The following MON1A variants were observed in gnomAD, a reference collection of about 807,000 sequenced individuals.
The protein encoded by MON1A is MON1 vesicular trafficking associated A.
MON1A carries 29 observed loss-of-function variants against 44.6 expected under a neutral mutation model. That is an observed-to-expected ratio of 0.65 (90% CI 0.48 to 0.89). The LOEUF (loss-of-function observed/expected upper bound fraction) is 0.89. Among genes scored for constraint, MON1A ranks in the 40% least tolerant of loss-of-function variants. MON1A has a pLI of 0.00. For missense variants in MON1A, 615 were observed against 759.6 expected (o/e 0.81, Z 2.24); for synonymous variants, 275 against 316.4 (o/e 0.87, Z 1.39).
chr3:49,928,394 G>T (rs1024120742), intron 1 of MON1A, among the ~76,000 whole-genome samples: 6 of 152,134 alleles, frequency 3.9e-5, no homozygotes, highest in Non-Finnish European at 7.4e-5. Context: ...TTAGGCAAAG[G>T]AGGTCTCTTA....
At chr3:49,921,638 CTTT>C (rs34960189) in intron 1 of MON1A, among the ~76,000 whole-genome samples, 16 of 129,756 alleles carry the variant, frequency 1.2e-4, no homozygotes, top group Admixed American at 1.5e-4. Context: ...CGTGGTAGCA[CTTT>C]TTTTTTTTTT....
intron 1 of MON1A, among the ~76,000 whole-genome samples, chr3:49,925,043 C>T (rs1218377171): frequency 1.2e-4 from 19 of 152,182 alleles, no homozygotes; most frequent in Admixed American, 1.2e-3. Context: ...TTTTAAGCTG[C>T]TAAGTTTTGG....
At chr3:49,921,100 G>A (rs952360306) in intron 1 of MON1A, among the ~76,000 whole-genome samples, 4 of 151,930 alleles carry the variant, frequency 2.6e-5, no homozygotes, top group African/African-American at 4.8e-5. Context: ...AGCTTGCAAT[G>A]AGCCAAGATC....
rs1377743369 is a variant in MON1A at position 49,910,522 on chromosome 3, G to A, written c.976C>T (p.Arg326Cys). 5.0e-6 allele frequency: 8 copies of A among 1,613,628 alleles called. No homozygotes were observed. In the Admixed American group the frequency reaches 1.0e-4, roughly 20 times the overall value. ...CGCACGAGTGCCACGAGCTGGTTGC[G>A]GGCCAGCAGGATGGAGAAGACCAGG... is the stretch of plus-strand genomic sequence containing the variant. ...RSLVFSILLA[R>C]NQLVALVRRK... is the part of the protein sequence containing the mutation. The change falls in exon 4 of 6, where the codon CGC (arginine) becomes TGC (cysteine). Residue 326 changes from arginine (R) to cysteine (C), a missense_variant. Physicochemically the swap from Arg to Cys is radical, Grantham distance 180. Coordinates refer to ENST00000296473, the MANE Select transcript of MON1A (RefSeq NM_032355.4). This position sits in a 1 kb window ranked among gnomAD's most constrained non-coding sequence, Gnocchi z 8.0.
At chr3:49,924,758 G>A (rs2083039529) in intron 1 of MON1A, 1 of 157,244 alleles carries the variant, frequency 6.4e-6, no homozygotes, top group Admixed American at 6.5e-5. Flanking sequence ...TTGTTCTCTT[G>A]GATCATTCCC....
At chr3:49,918,933 G>C (rs370247592) in intron 1 of MON1A, among the ~76,000 whole-genome samples, 32 of 152,246 alleles carry the variant, frequency 2.1e-4, no homozygotes, top group East Asian at 7.7e-4. Context: ...TGTCATCCTA[G>C]TACTTTGGGA....
At chr3:49,928,783 A>G (rs894414668) in intron 1 of MON1A, among the ~76,000 whole-genome samples, 2 of 152,204 alleles carry the variant, frequency 1.3e-5, no homozygotes, top group Admixed American at 6.5e-5. Flanking sequence ...TGCTGAGATC[A>G]CAGTCTGGTC....
Position 49,911,547 on chromosome 3 carries a change from C to T in MON1A, c.592G>A (p.Ala198Thr), listed in dbSNP as rs377598480. 6.2e-6 allele frequency: 10 copies of T among 1,611,960 alleles called. No individual in the cohort carries two copies. The highest frequency in any genetic ancestry group is 4.5e-5 in the East Asian group (2 of 44,890). ...LVSFLEADKNAIRSIHADGYK... is the reference protein window; with the variant it reads ...LVSFLEADKNTIRSIHADGYK... The stretch of plus-strand genomic sequence containing the variant: ...TCACCTGCATGGATGGAGCGGATGG[C>T]GTTCTTGTCTGCCTCCAGGAAGGAC... Residue 198 changes from alanine to threonine, a missense_variant, in exon 3 of 6, where the codon GCC (alanine) becomes ACC (threonine). Ala to Thr is a moderately conservative substitution (Grantham distance 58). Coordinates refer to ENST00000296473, the MANE Select transcript of MON1A (RefSeq NM_032355.4). The surrounding 1 kb of genome is among the most constrained non-coding windows in gnomAD (Gnocchi z 5.7).
Position 49,911,726 on chromosome 3 carries a change from C to G in MON1A, c.413G>C (p.Gly138Ala), listed in dbSNP as rs144073817. Residue 138 changes from glycine (G) to alanine (A), a missense_variant, in exon 3 of 6, where the codon GGC becomes GCC. Coordinates refer to ENST00000296473, the MANE Select transcript of MON1A (RefSeq NM_032355.4). This position sits in a 1 kb window ranked among gnomAD's most constrained non-coding sequence, Gnocchi z 5.7. ...ATCCTCCTCATCCCCCTCGGTTGTG[C>G]CCTCCCTGGGGGGCTCTGTGGCTGG... ...GRPATEPPRE[G>A]TTEGDEEDAT... 6.2e-7 allele frequency: 1 copy of G among 1,613,768 alleles called. No homozygotes were observed. Among genetic ancestry groups the G allele is most frequent in the Admixed American group, 1.7e-5 (1 of 60,010 alleles).
chr3:49,921,267 C>CT (rs2082993903), intron 1 of MON1A, among the ~76,000 whole-genome samples: 1 of 151,508 alleles, frequency 6.6e-6, no homozygotes, highest in African/African-American at 2.4e-5. Flanking sequence ...ATGCCATTCT[C>CT]TTGTCTCAGC....
At chr3:49,928,748 C>T (rs1288112961) in intron 1 of MON1A, among the ~76,000 whole-genome samples, 1 of 152,208 alleles carries the variant, frequency 6.6e-6, no homozygotes. Context: ...TGTGCTATGG[C>T]TGCTTCAGCA....
chr3:49,929,500 C>G (rs2083076549), intron 1 of MON1A, 109 bp downstream of exon 1: 2 of 1,292,710 alleles, frequency 1.5e-6, no homozygotes, highest in Admixed American at 4.1e-5. Flanking sequence ...CCATTGCAAA[C>G]GATAGCGTTG....
intron 1 of MON1A, among the ~76,000 whole-genome samples, chr3:49,917,979 C>T (rs925716447): frequency 2.0e-5 from 3 of 151,548 alleles, no homozygotes; most frequent in South Asian, 2.1e-4. Context: ...ACCCGGGAGG[C>T]GGAAGTTGTG....
chr3:49,913,555 G>A (rs538831273), intron 1 of MON1A, among the ~76,000 whole-genome samples, 196 bp from the exon 2 acceptor site: 1 of 149,806 alleles, frequency 6.7e-6, no homozygotes, highest in African/African-American at 2.5e-5. Context: ...CATATTCATT[G>A]TAAAAAAAAG....
rs1220477769 is a variant in MON1A, at chr3:49,909,188, A to G, written c.1528-34T>C. 5 of 1,611,010 alleles carry G rather than the reference A, an allele frequency of 3.1e-6. No homozygotes were observed. In the African/African-American group the frequency reaches 6.7e-5, roughly 22 times the overall value. ...GGGGCAAAGGGTCGTCATCTAGGTTAGAGGCCCCTCATGGCCCATACCTAG... is the reference window on the plus strand; with the variant it reads ...GGGGCAAAGGGTCGTCATCTAGGTTGGAGGCCCCTCATGGCCCATACCTAG... On this transcript the variant is annotated intron_variant, in intron 5 of 5. Coordinates refer to ENST00000296473, the MANE Select transcript of MON1A (RefSeq NM_032355.4). This position sits in a 1 kb window ranked among gnomAD's most constrained non-coding sequence, Gnocchi z 4.0.
At chr3:49,925,424 T>A (rs1237176095) in intron 1 of MON1A, among the ~76,000 whole-genome samples, 1 of 152,202 alleles carries the variant, frequency 6.6e-6, no homozygotes, top group Non-Finnish European at 1.5e-5. Flanking sequence ...CCAGTGTATG[T>A]TTATACAGAA....
chr3:49,926,460 A>T (rs1490026091), intron 1 of MON1A, among the ~76,000 whole-genome samples: 1 of 151,888 alleles, frequency 6.6e-6, no homozygotes, highest in Non-Finnish European at 1.5e-5. Flanking sequence ...ATGCGGGAGG[A>T]GTTCTATTTT....
chr3:49,926,466 A>AT (rs1247588815), intron 1 of MON1A, among the ~76,000 whole-genome samples: 5 of 151,728 alleles, frequency 3.3e-5, no homozygotes, highest in Admixed American at 1.3e-4. Context: ...GAGGAGTTCT[A>AT]TTTTTTTTGA....
chr3:49,918,676 T>C lies in MON1A; in HGVS notation c.-13-5317A>G, dbSNP rs146122730. ...ATCCACCCGCCTCAGTCCCCCAAAG[T>C]GCTGGGATTACAGGCATGAGCCACC... On this transcript the variant is annotated intron_variant, in intron 1 of 5. Transcript: ENST00000296473. Among the ~76,000 whole-genome samples, 455 of 151,918 alleles carry C rather than the reference T, an allele frequency of 3.0e-3. 2 individuals carry two copies. The highest frequency in any genetic ancestry group is 0.01 in the Middle Eastern group (3 of 292).
Sources: allele counts gnomAD v4.1 joint callset (sites outside exome capture counted in the v4.1 genomes callset), GRCh38; gene constraint gnomAD v4.1.1; non-coding constraint Gnocchi (gnomAD v3.1); transcripts MANE v1.5; gene names NCBI Gene and HGNC (gene_info 2026-07-23, HGNC 2026-07-21).